Variants in PTPRZ1 observed in about 807,000 individuals in gnomAD.
The protein encoded by PTPRZ1 is protein tyrosine phosphatase receptor type Z1, also known as receptor-type tyrosine-protein phosphatase zeta.
A neutral mutation model predicts 214.1 loss-of-function variants in PTPRZ1; 82 were observed. The ratio of observed to expected loss-of-function variants is 0.38; its 90% CI spans 0.32 to 0.46. PTPRZ1 has a LOEUF of 0.46. PTPRZ1 is among the 20% of genes least tolerant of loss of function. The pLI, the probability that PTPRZ1 is intolerant of heterozygous loss-of-function variation, is 1.00. For synonymous variants in PTPRZ1, 945 were observed against 987.9 expected (o/e 0.96, Z 0.81); for missense variants, 2,603 against 2,748.7 (o/e 0.95, Z 1.19).
intron 6 of PTPRZ1, among the ~76,000 whole-genome samples, chr7:121,977,728 A>C (rs1298615160): frequency 6.7e-6 from 1 of 149,804 alleles, no homozygotes; most frequent in Non-Finnish European, 1.5e-5. Flanking sequence ...TTTTTTTTAG[A>C]GACACAGCAC....
intron 21 of PTPRZ1, 104 bp downstream of exon 21, chr7:122,041,083 A>T: frequency 9.6e-7 from 1 of 1,042,686 alleles, no homozygotes; most frequent in Non-Finnish European, 1.3e-6. Flanking sequence ...ATTTCTTGAA[A>T]TGAGGGTGAT....
intron 2 of PTPRZ1, among the ~76,000 whole-genome samples, chr7:121,962,526 T>C: frequency 6.6e-6 from 1 of 151,806 alleles, no homozygotes; most frequent in East Asian, 1.9e-4. Context: ...TTAAAGCAGA[T>C]AAAATGTATT....
intron 8 of PTPRZ1, among the ~76,000 whole-genome samples, chr7:121,989,466 C>T (rs1179280386): frequency 6.6e-6 from 1 of 151,950 alleles, no homozygotes; most frequent in African/African-American, 2.4e-5. Context: ...CCTCCGCCTC[C>T]TGGGTTCGAG....
intron 8 of PTPRZ1, among the ~76,000 whole-genome samples, chr7:121,985,821 G>A (rs1196479360): frequency 2.0e-5 from 3 of 152,310 alleles, no homozygotes; most frequent in South Asian, 2.1e-4. Context: ...AGACTTCATA[G>A]CAGTTACCAC....
intron 23 of PTPRZ1, among the ~76,000 whole-genome samples, chr7:122,044,811 T>G (rs1799835792): frequency 6.6e-6 from 1 of 151,976 alleles, no homozygotes; most frequent in Non-Finnish European, 1.5e-5. Context: ...AAATGCAAAC[T>G]TGGTCGAGAA....
chr7:121,895,933 C>T (rs1228564081), intron 1 of PTPRZ1, among the ~76,000 whole-genome samples: 3 of 152,144 alleles, frequency 2.0e-5, no homozygotes, highest in African/African-American at 7.2e-5. Flanking sequence ...CCTTTCTGCC[C>T]CTTGTCTGGG....
Position 122,061,085 on chromosome 7 carries a change from G to T in PTPRZ1, c.6813G>T (p.Gln2271His). ...TCCCATCTTCTGTTCTCTAGGAGCA[G>T]TATCAGTTTCTCTACAAAGTGATCC... ...MRPGVFADIE[Q>H]YQFLYKVILS... The change falls in exon 30 of 30, where the codon CAG becomes CAT. Residue 2271 changes from glutamine (Q) to histidine (H), a missense_variant. Around this residue, in one of 6 missense-constraint regions of PTPRZ1, gnomAD observed 165 missense variants for 151.4 expected, o/e 1.09. Coordinates refer to ENST00000393386, the MANE Select transcript of PTPRZ1 (RefSeq NM_002851.3). 6.2e-7 allele frequency: 1 copy of T among 1,602,856 alleles called. No homozygotes were observed. The highest frequency in any genetic ancestry group is 8.5e-7 in the Non-Finnish European group (1 of 1,174,176).
At chr7:121,882,673 T>G (rs1794277979) in intron 1 of PTPRZ1, among the ~76,000 whole-genome samples, 1 of 152,132 alleles carries the variant, frequency 6.6e-6, no homozygotes, top group Non-Finnish European at 1.5e-5. Context: ...ATCTCTTTAT[T>G]TCAGGAAGAT....
intron 1 of PTPRZ1, among the ~76,000 whole-genome samples, chr7:121,889,221 T>C (rs536158871): frequency 6.6e-6 from 1 of 152,286 alleles, no homozygotes; most frequent in South Asian, 2.1e-4. Flanking sequence ...GGAGACGGTA[T>C]TAGTCATAAA....
At chr7:121,989,029 A>T (rs1797855727) in intron 8 of PTPRZ1, among the ~76,000 whole-genome samples, 1 of 152,200 alleles carries the variant, frequency 6.6e-6, no homozygotes, top group South Asian at 2.1e-4. Flanking sequence ...GACTGAAAAA[A>T]ATAGCAAATA....
chr7:121,935,442 G>T (rs977152502), intron 2 of PTPRZ1, among the ~76,000 whole-genome samples: 3 of 152,070 alleles, frequency 2.0e-5, no homozygotes, highest in Non-Finnish European at 4.4e-5. Flanking sequence ...TGTGTAGGAC[G>T]CATTGTGCTT....
At chr7:122,036,330 A>C (rs2150474312) in intron 17 of PTPRZ1, among the ~76,000 whole-genome samples, 1 of 152,288 alleles carries the variant, frequency 6.6e-6, no homozygotes, top group South Asian at 2.1e-4. Context: ...CTGTTTTCAT[A>C]TCCCTCCACT....
intron 2 of PTPRZ1, among the ~76,000 whole-genome samples, chr7:121,957,322 T>TG (rs151248466): frequency 0.022 from 3,421 of 152,226 alleles, 42 homozygotes; most frequent in Middle Eastern, 0.034. Context: ...TTGGGCATGG[T>TG]GGCGGCGATG....
In PTPRZ1 at chr7:121,911,924, C is replaced by T. The variant is rs574655009; in HGVS notation, c.59-16232C>T. Among the ~76,000 whole-genome samples, 10 of 151,042 alleles carry T rather than the reference C, an allele frequency of 6.6e-5. No individual in the cohort carries two copies. In the South Asian group the frequency reaches 1.7e-3, roughly 25 times the overall value. On this transcript the variant is annotated intron_variant, in intron 1 of 29. Coordinates refer to ENST00000393386, the MANE Select transcript of PTPRZ1 (RefSeq NM_002851.3). ...CATTTATTTCAGTGTAAGAACTTAA[C>T]GGGGAAAAATTTAAGTTCTGTTAAT...
At chr7:122,053,766 C>T in intron 25 of PTPRZ1, 144 bp from the exon 26 acceptor site, 1 of 987,130 alleles carries the variant, frequency 1.0e-6, no homozygotes, top group Non-Finnish European at 1.4e-6. Flanking sequence ...TAAGCATTGG[C>T]TATAATAATC....
Position 122,012,496 on chromosome 7 carries a change from A to G in PTPRZ1, c.3450A>G (p.Pro1150=). The G allele has an allele frequency of 6.2e-7, 1 of 1,614,098 alleles. No homozygotes were observed. Among genetic ancestry groups the G allele is most frequent in the Non-Finnish European group, 8.5e-7 (1 of 1,179,964 alleles). The change falls in exon 12 of 30, where the codon CCA becomes CCG. Residue 1150 remains proline, a synonymous_variant. Coordinates refer to ENST00000393386, the MANE Select transcript of PTPRZ1 (RefSeq NM_002851.3). ...CTGTGCTTAGTGCAAACTCAGAGCC[A>G]GCATCCTCTGACCCTGCTTCTAGTG... is the stretch of plus-strand genomic sequence containing the variant. ...LKPVLSANSE[P]ASSDPASSEM...
At chr7:122,022,626 G>C (rs1185466963) in intron 13 of PTPRZ1, among the ~76,000 whole-genome samples, 2 of 152,164 alleles carry the variant, frequency 1.3e-5, no homozygotes, top group Non-Finnish European at 2.9e-5. Flanking sequence ...TCACTTTCAT[G>C]ATGGTATCTT....
At chr7:121,922,902 T>A (rs1258746823) in intron 1 of PTPRZ1, among the ~76,000 whole-genome samples, 1 of 152,164 alleles carries the variant, frequency 6.6e-6, no homozygotes, top group African/African-American at 2.4e-5. Context: ...TTCTTTGAAA[T>A]TTTTCCTCAA....
In PTPRZ1 at chr7:121,976,821, A is replaced by G. The variant is rs1316607863; in HGVS notation, c.589A>G (p.Ile197Val). 2 of 1,611,368 alleles carry G rather than the reference A, an allele frequency of 1.2e-6. No individual in the cohort carries two copies. Among genetic ancestry groups the G allele is most frequent in the Non-Finnish European group, 1.7e-6 (2 of 1,178,606 alleles). ...TEENLDFKAI[I>V]DGVESVSRFG... ...AGAAAATTTGGATTTCAAAGCGATT[A>G]TTGATGGAGTCGAAAGTGTTAGTCG... Residue 197 changes from isoleucine (I) to valine (V), a missense_variant, in exon 6 of 30, where the codon ATT (isoleucine) becomes GTT (valine). Physicochemically the swap from Ile to Val is conservative, Grantham distance 29. Coordinates refer to ENST00000393386, the MANE Select transcript of PTPRZ1 (RefSeq NM_002851.3).
Sources: allele counts gnomAD v4.1 joint callset (sites outside exome capture counted in the v4.1 genomes callset), GRCh38; gene constraint gnomAD v4.1.1; regional missense constraint gnomAD v4.1.1; transcripts MANE v1.5; gene names NCBI Gene and HGNC (gene_info 2026-07-23, HGNC 2026-07-21).